CAPN5: variants seen among roughly 807,000 people sequenced by gnomAD.
CAPN5 encodes the protein calpain 5.
In CAPN5, 54 loss-of-function variants were observed where a neutral mutation model predicts 73.0. That is an observed-to-expected ratio of 0.74 (90% CI 0.59 to 0.93). The LOEUF (loss-of-function observed/expected upper bound fraction) is 0.93. Ranked by LOEUF, CAPN5 falls within the 40% of genes least tolerant of loss-of-function variation. The pLI is 0.00. For synonymous variants in CAPN5, 335 were observed against 356.9 expected, an observed-to-expected ratio of 0.94 and a Z score of 0.69; for missense variants, 785 against 882.9, an observed-to-expected ratio of 0.89 and a Z score of 1.41.
At chr11:77,098,585 C>T (rs1950242800) in intron 3 of CAPN5, among the ~76,000 whole-genome samples, 1 of 64,800 alleles carries the variant, frequency 1.5e-5, no homozygotes, top group Non-Finnish European at 3.0e-5. Flanking sequence ...GACGGGGCGG[C>T]TGGCCGGGCA....
In CAPN5 at chr11:77,120,785, C is replaced by T. The variant is rs370387285; in HGVS notation, c.1363C>T (p.Arg455Cys). Reference sequence around the variant, plus strand: ...CGCCAGCTCCATCTACATCAACTCACGCAGCGTCTTCCTGCGCACCGACCA... The same window carrying T: ...CGCCAGCTCCATCTACATCAACTCATGCAGCGTCTTCCTGCGCACCGACCA... ...KAASSIYINS[R>C]SVFLRTDQPE... Residue 455 changes from arginine to cysteine, a missense_variant, in exon 10 of 13, where the codon CGC becomes TGC. By Grantham distance (180) the Arg-to-Cys change is radical. Transcript: ENST00000648180. 1.0e-4 allele frequency: 167 copies of T among 1,613,978 alleles called. No homozygotes were observed. Among genetic ancestry groups the T allele is most frequent in the Non-Finnish European group, 1.2e-4 (144 of 1,180,004 alleles).
chr11:77,086,796 A>G (rs1447251015), intron 2 of CAPN5, among the ~76,000 whole-genome samples: 1 of 152,160 alleles, frequency 6.6e-6, no homozygotes, highest in Non-Finnish European at 1.5e-5. Context: ...TGGCTCCGAA[A>G]AGAGGCTGGT....
chr11:77,109,141 G>A (rs1285471211), intron 3 of CAPN5, among the ~76,000 whole-genome samples: 6 of 152,126 alleles, frequency 3.9e-5, no homozygotes, highest in African/African-American at 1.2e-4. Context: ...ACTTCATTCG[G>A]GGGCACATCA....
In CAPN5 at chr11:77,120,709, G is replaced by T. The variant is rs782200894; in HGVS notation, c.1291-4G>T. On this transcript the variant is annotated splice_polypyrimidine_tract_variant and splice_region_variant and intron_variant, in intron 9 of 12. Transcript: ENST00000648180. Reference sequence around the variant, plus strand: ...CGTGGCCCAGCCCCTCCCGCCTCCTGCAGGTGGAGGAGAACCGCCAGTACC... The same window carrying T: ...CGTGGCCCAGCCCCTCCCGCCTCCTTCAGGTGGAGGAGAACCGCCAGTACC... 3.4e-5 allele frequency: 54 copies of T among 1,598,050 alleles called. No homozygotes were observed. Among genetic ancestry groups the T allele is most frequent in the Non-Finnish European group, 4.3e-6 (5 of 1,170,394 alleles).
intron 1 of CAPN5, among the ~76,000 whole-genome samples, chr11:77,077,562 T>C (rs1949984852): frequency 6.6e-6 from 1 of 151,758 alleles, no homozygotes; most frequent in African/African-American, 2.4e-5. Context: ...GGAGTTTCGC[T>C]CTTGTCTCCC....
At chr11:77,079,436 T>A (rs782107702) in intron 1 of CAPN5, among the ~76,000 whole-genome samples, 2 of 152,222 alleles carry the variant, frequency 1.3e-5, no homozygotes, top group Non-Finnish European at 2.9e-5. Context: ...GCTTGTAAGA[T>A]CCATCCATAG....
Position 77,117,850 on chromosome 11 carries a change from G to A in CAPN5, c.972-307G>A, listed in dbSNP as rs577150599. On this transcript the variant is annotated intron_variant, in intron 7 of 12. Coordinates refer to ENST00000648180, the MANE Select transcript of CAPN5 (RefSeq NM_004055.5). ...AGTAACAGCCAGCGTTTGCCAGTGC[G>A]TGCTCTGTCAGCCGAAAGTTGCACT... 3.9e-5 allele frequency among the ~76,000 whole-genome samples: 6 copies of A among 152,336 alleles called. No homozygotes were observed. In the South Asian group the frequency reaches 6.2e-4, roughly 16 times the overall value.
intron 1 of CAPN5, among the ~76,000 whole-genome samples, chr11:77,070,059 T>C (rs1949887089): frequency 6.6e-6 from 1 of 152,180 alleles, no homozygotes; most frequent in African/African-American, 2.4e-5. Flanking sequence ...CAGGCTTGGA[T>C]GGGGAAGCTG....
intron 11 of CAPN5, 67 bp from the exon 12 acceptor site, chr11:77,122,509 A>G: frequency 7.7e-7 from 1 of 1,305,252 alleles, no homozygotes; most frequent in Non-Finnish European, 1.1e-6. Context: ...TCTCACCTGT[A>G]GATATCTGTG....
intron 5 of CAPN5, 130 bp downstream of exon 5, chr11:77,114,564 G>A: frequency 3.5e-6 from 3 of 850,320 alleles, no homozygotes; most frequent in South Asian, 3.0e-5. Flanking sequence ...GTGGGGGAGG[G>A]GAGAAGTTGG....
chr11:77,105,505 G>T (rs1950336148), intron 3 of CAPN5, among the ~76,000 whole-genome samples: 1 of 152,238 alleles, frequency 6.6e-6, no homozygotes, highest in Non-Finnish European at 1.5e-5. Flanking sequence ...CACCAAACCA[G>T]GTGCAATCTC....
chr11:77,086,978 G>A (rs971003475), intron 2 of CAPN5, among the ~76,000 whole-genome samples: 1 of 152,150 alleles, frequency 6.6e-6, no homozygotes, highest in African/African-American at 2.4e-5. Flanking sequence ...TGCCTTCCTC[G>A]CTGGCTCACT....
intron 1 of CAPN5, among the ~76,000 whole-genome samples, chr11:77,067,903 C>T (rs1235843489): frequency 2.0e-5 from 3 of 152,134 alleles, no homozygotes; most frequent in South Asian, 4.2e-4. Flanking sequence ...CACAGAGAAG[C>T]GAAGTCAGCT....
At chr11:77,093,860 A>G (rs782478194) in intron 3 of CAPN5, 47 bp downstream of exon 3, 7 of 1,593,174 alleles carry the variant, frequency 4.4e-6, no homozygotes, top group Non-Finnish European at 6.0e-6. Flanking sequence ...GTGTGAACGC[A>G]GCCTGTGGCC....
intron 9 of CAPN5, 154 bp downstream of exon 9, chr11:77,119,306 C>A (rs1463861324): frequency 2.4e-6 from 2 of 833,458 alleles, no homozygotes; most frequent in African/African-American, 1.7e-5. Context: ...GTGGCATGGG[C>A]CCCACTTGAA....
chr11:77,116,333 G>T (rs782775407), intron 7 of CAPN5, 30 bp downstream of exon 7: 1 of 1,579,420 alleles, frequency 6.3e-7, no homozygotes, highest in African/African-American at 1.3e-5. Context: ...GGGCGTCCGG[G>T]GCTGAGGGGG....
chr11:77,103,674 A>G lies in CAPN5; in HGVS notation c.298-8915A>G, dbSNP rs149175418. ...TTGTGGGAGAGAGAGACTGAGAAAG[A>G]CCAAGAGAGACACAGAGACAGAGAT... On this transcript the variant is annotated intron_variant, in intron 3 of 12. Transcript: ENST00000648180. Among the ~76,000 whole-genome samples the G allele has an allele frequency of 1.6e-3, 240 of 152,290 alleles. 2 individuals carry two copies. The highest frequency in any genetic ancestry group is 5.5e-3 in the African/African-American group (229 of 41,548).
rs1416233643 is a variant in CAPN5 at position 77,125,873 on chromosome 11, CCTG to C, written c.*2005_*2007del. ...AGGTTCCACAGTGCTACCCTTGCTT[CCTG>C]CCCCTTGAGGTGGGCCAGGCTGGCT... On this transcript the variant is annotated 3_prime_UTR_variant, in exon 13 of 13. Transcript: ENST00000648180. The C allele has an allele frequency of 3.3e-5, 5 of 152,514 alleles. No individual in the cohort carries two copies. Among genetic ancestry groups the C allele is most frequent in the African/African-American group, 1.2e-4 (5 of 41,452 alleles). 9.4% of individuals were successfully genotyped at this position (152,514 alleles called of 1,614,324 possible).
intron 1 of CAPN5, among the ~76,000 whole-genome samples, chr11:77,080,855 C>T (rs1014005344): frequency 6.6e-6 from 1 of 152,232 alleles, no homozygotes; most frequent in East Asian, 1.9e-4. Context: ...GGACACACAG[C>T]AGCTAAATGA....
Sources: allele counts gnomAD v4.1 joint callset (sites outside exome capture counted in the v4.1 genomes callset), GRCh38; gene constraint gnomAD v4.1.1; transcripts MANE v1.5; gene names NCBI Gene and HGNC (gene_info 2026-07-23, HGNC 2026-07-21).